The following MSR1 variants were observed in gnomAD, a reference collection of about 807,000 sequenced individuals.
MSR1 encodes the protein macrophage scavenger receptor types I and II.
In MSR1, 53 loss-of-function variants were observed where a neutral mutation model predicts 47.2. The ratio of observed to expected loss-of-function variants is 1.12; its 90% CI spans 0.90 to 1.41. The LOEUF is 1.41. MSR1 is among the 40% of genes most tolerant of loss of function. The pLI, the probability that MSR1 is intolerant of heterozygous loss-of-function variation, is 0.00. For missense variants in MSR1, 786 were observed against 546.9 expected, an observed-to-expected ratio of 1.44 and a Z score of -4.36; for synonymous variants, 239 against 185.6, an observed-to-expected ratio of 1.29 and a Z score of -2.34.
intron 8 of MSR1, among the ~76,000 whole-genome samples, chr8:16,126,064 A>C (rs1418170099): frequency 6.6e-6 from 1 of 151,990 alleles, no homozygotes; most frequent in Non-Finnish European, 1.5e-5. Flanking sequence ...TTATTTTTGA[A>C]ATATATTTTA....
intron 4 of MSR1, among the ~76,000 whole-genome samples, chr8:16,165,992 T>C (rs1225805293): frequency 6.6e-6 from 1 of 152,060 alleles, no homozygotes; most frequent in African/African-American, 2.4e-5. Context: ...CACACCGCCA[T>C]GATAAATACA....
At chr8:16,150,140 G>GTGTGAATATATATA (rs1402495981) in intron 7 of MSR1, 91 bp downstream of exon 7, 24 of 172,618 alleles carry the variant, frequency 1.4e-4, no homozygotes, top group African/African-American at 7.1e-4. Flanking sequence ...GTGTGTGTGT[G>GTGTGAATATATATA]TATATATATA....
In MSR1 at chr8:16,130,810, C is replaced by CAAAAGAATTCCT. The variant is rs1346988414; in HGVS notation, c.1034-10205_1034-10204insAGGAATTCTTTT. On this transcript the variant is annotated intron_variant, in intron 8 of 9. Coordinates refer to ENST00000262101, the MANE Select transcript of MSR1 (RefSeq NM_138715.3). ...AACCATATTCCTTCAAAGAACGTGA[C>CAAAAGAATTCCT]TCATTCTTTTGTATGGCTGCATGGT... 1.3e-3 allele frequency among the ~76,000 whole-genome samples: 200 copies of CAAAAGAATTCCT among 152,102 alleles called. 2 individuals are homozygous for CAAAAGAATTCCT. Among genetic ancestry groups the CAAAAGAATTCCT allele is most frequent in the African/African-American group, 4.8e-3 (199 of 41,506 alleles).
intron 7 of MSR1, among the ~76,000 whole-genome samples, chr8:16,149,059 G>A (rs1800775670): frequency 6.6e-6 from 1 of 152,074 alleles, no homozygotes; most frequent in African/African-American, 2.4e-5. Context: ...GAGCACAGGG[G>A]ACCTTTAGGG....
At chr8:16,111,844 G>A (rs894758773) in intron 9 of MSR1, among the ~76,000 whole-genome samples, 2 of 152,170 alleles carry the variant, frequency 1.3e-5, no homozygotes, top group East Asian at 3.8e-4. Context: ...GCAAGGATAA[G>A]GAACTGTACG....
rs139985492 is a variant in MSR1 at position 16,176,220 on chromosome 8, A to G, written c.104-920T>C. 1.6e-3 allele frequency among the ~76,000 whole-genome samples: 241 copies of G among 152,296 alleles called. 1 individual carries two copies. In the Middle Eastern group the frequency reaches 0.031, roughly 19 times the overall value. ...ACAGTTTTTAAAAAGTAAAGAAAAGAGAAGAGCTGGATGCAGTGGCTCACG... is the reference window on the plus strand; with the variant it reads ...ACAGTTTTTAAAAAGTAAAGAAAAGGGAAGAGCTGGATGCAGTGGCTCACG... On this transcript the variant is annotated intron_variant, in intron 2 of 9. Coordinates refer to ENST00000262101, the MANE Select transcript of MSR1 (RefSeq NM_138715.3).
intron 9 of MSR1, among the ~76,000 whole-genome samples, chr8:16,112,128 T>G (rs960504866): frequency 2.0e-5 from 3 of 152,126 alleles, no homozygotes; most frequent in Non-Finnish European, 4.4e-5. Flanking sequence ...TTCTGGTTAT[T>G]TTTCCTCTGA....
intron 5 of MSR1, among the ~76,000 whole-genome samples, chr8:16,163,019 C>G (rs935498823): frequency 6.6e-6 from 1 of 151,906 alleles, no homozygotes; most frequent in Non-Finnish European, 1.5e-5. Context: ...AAAGCACTTT[C>G]AGTTCCTTGT....
intron 8 of MSR1, among the ~76,000 whole-genome samples, chr8:16,132,339 G>A (rs947372676): frequency 6.6e-6 from 1 of 152,048 alleles, no homozygotes; most frequent in Non-Finnish European, 1.5e-5. Context: ...CACTGATTTT[G>A]TATCCTGAAA....
At chr8:16,156,432 A>G (rs551816771) in intron 5 of MSR1, among the ~76,000 whole-genome samples, 1 of 151,894 alleles carries the variant, frequency 6.6e-6, no homozygotes, top group East Asian at 1.9e-4. Context: ...GACATCCTTG[A>G]CTCTACTTCT....
chr8:16,176,107 T>TA (rs527738436), intron 2 of MSR1, among the ~76,000 whole-genome samples: 3 of 152,180 alleles, frequency 2.0e-5, no homozygotes, highest in Non-Finnish European at 4.4e-5. Flanking sequence ...ATTGATCAAT[T>TA]AAAAAAAGTA....
rs187247583 is a variant in MSR1, at chr8:16,139,135, G to C, written c.1033+4423C>G. Among the ~76,000 whole-genome samples the C allele has an allele frequency of 2.5e-3, 380 of 152,202 alleles. 3 individuals are homozygous for C. The Middle Eastern group carries it at 0.038, about 15-fold the overall frequency. On this transcript the variant is annotated intron_variant, in intron 8 of 9. Transcript: ENST00000262101. ...TTTGCAATCTGGTCACACTTGCATT[G>C]CTCTATCTAATATAAAATCTTTTCT... is the stretch of plus-strand genomic sequence containing the variant.
chr8:16,187,588 T>C (rs1802040896), intron 1 of MSR1, among the ~76,000 whole-genome samples: 1 of 152,040 alleles, frequency 6.6e-6, no homozygotes, highest in East Asian at 1.9e-4. Flanking sequence ...TTTTGATCTC[T>C]TTGGTTCAGG....
At chr8:16,148,455 A>C (rs571350536) in intron 7 of MSR1, among the ~76,000 whole-genome samples, 7 of 149,006 alleles carry the variant, frequency 4.7e-5, no homozygotes, top group Non-Finnish European at 7.4e-5. Context: ...CTTTACGTAG[A>C]ATTTCTAAAA....
At chr8:16,143,993 T>C (rs1800630729) in intron 7 of MSR1, among the ~76,000 whole-genome samples, 1 of 152,032 alleles carries the variant, frequency 6.6e-6, no homozygotes, top group South Asian at 2.1e-4. Context: ...TATATTCACA[T>C]TACATTTATG....
chr8:16,150,160 ATATATATAT>A, intron 7 of MSR1, 62 bp downstream of exon 7: 2 of 273,932 alleles, frequency 7.3e-6, no homozygotes. Flanking sequence ...ATATATATAT[ATATATATAT>A]ATAAAATTAT....
intron 4 of MSR1, among the ~76,000 whole-genome samples, chr8:16,167,764 C>G (rs996806279): frequency 1.3e-5 from 2 of 152,134 alleles, no homozygotes; most frequent in Non-Finnish European, 2.9e-5. Flanking sequence ...TGATAACTAA[C>G]ATTTTCGCTT....
chr8:16,111,617 C>T (rs1337488588), intron 9 of MSR1, among the ~76,000 whole-genome samples: 1 of 151,592 alleles, frequency 6.6e-6, no homozygotes, highest in Non-Finnish European at 1.5e-5. Flanking sequence ...GACATGTAAG[C>T]ACATGTTTTT....
At chr8:16,153,022 C>A (rs1365063533) in intron 6 of MSR1, among the ~76,000 whole-genome samples, 1 of 151,852 alleles carries the variant, frequency 6.6e-6, no homozygotes, top group Non-Finnish European at 1.5e-5. Flanking sequence ...TAATATCCAC[C>A]CTAGTATATG....
Sources: gnomAD v4.1 joint callset for allele counts (sites outside exome capture counted in the v4.1 genomes callset) on GRCh38, gnomAD v4.1.1 for gene constraint, MANE v1.5 for transcripts, NCBI Gene and HGNC (gene_info 2026-07-23, HGNC 2026-07-21) for gene names.